Variants in TTL observed in about 807,000 individuals in gnomAD.
TTL encodes the protein tubulin--tyrosine ligase.
Under a neutral mutation model 41.1 loss-of-function variants are expected in TTL, and 10 were observed. The ratio of observed to expected loss-of-function variants is 0.24; its 90% CI spans 0.15 to 0.41. The LOEUF is 0.41. TTL is among the 10% of genes least tolerant of loss of function. The probability of loss-of-function intolerance (pLI) is 1.00; values close to 1 mark genes in which losing one functional copy is unlikely to be tolerated. For synonymous variants in TTL, 175 were observed against 175.5 expected (o/e 1.00, Z 0.02); for missense variants, 367 against 460.4 (o/e 0.80, Z 1.86).
chr2:112,523,818 A>T (rs919277387), intron 6 of TTL, among the ~76,000 whole-genome samples: 6 of 151,726 alleles, frequency 4.0e-5, no homozygotes, highest in African/African-American at 1.2e-4. Flanking sequence ...ATTATACTTT[A>T]AGTTCTAGGG....
chr2:112,493,355 T>TA (rs75154140), intron 2 of TTL, among the ~76,000 whole-genome samples: 26,398 of 142,996 alleles, frequency 0.18, 2,414 homozygotes, highest in East Asian at 0.3. Flanking sequence ...CTTGAGCTGT[T>TA]AAAAAAAAAA....
intron 4 of TTL, among the ~76,000 whole-genome samples, chr2:112,501,936 T>C (rs1681712378): frequency 6.6e-6 from 1 of 152,100 alleles, no homozygotes; most frequent in African/African-American, 2.4e-5. Flanking sequence ...TATAAATGTA[T>C]GGTCTTGCTC....
rs1401351195 is a variant in TTL, at chr2:112,494,270, A to G, written c.364A>G (p.Asn122Asp). Residue 122 changes from asparagine (N) to aspartate (D), a missense_variant, in exon 3 of 7, where the codon AAC becomes GAC. Asn to Asp is a conservative substitution (Grantham distance 23). Transcript: ENST00000233336. ...GAATGGAATTCAGCCACCAATCAGTAACTCAAGGACAGATGAAAGAGAATT... is the reference window on the plus strand; with the variant it reads ...GAATGGAATTCAGCCACCAATCAGTGACTCAAGGACAGATGAAAGAGAATT... ...AQNGIQPPIS[N>D]SRTDEREFFL... 1 of 1,614,090 alleles carries G rather than the reference A, an allele frequency of 6.2e-7. No individual in the cohort carries two copies.
chr2:112,494,704 C>T lies in TTL; in HGVS notation c.469+329C>T, dbSNP rs930243885. Among the ~76,000 whole-genome samples the T allele has an allele frequency of 2.0e-5, 3 of 152,120 alleles. No homozygotes were observed. In the South Asian group the frequency reaches 6.2e-4, roughly 32 times the overall value. ...ACGCTTTCCACTTAGTATATGATCC[C>T]ACTATTCACTCAGTCTCTGAAGCTT... On this transcript the variant is annotated intron_variant, in intron 3 of 6. Transcript: ENST00000233336.
Position 112,536,104 on chromosome 2 carries a change from A to G in TTL, c.*7309A>G, listed in dbSNP as rs1461607280. 6.6e-6 allele frequency: 1 copy of G among 152,238 alleles called. No homozygotes were observed. The highest frequency in any genetic ancestry group is 1.5e-5 in the Non-Finnish European group (1 of 68,048). 9.4% of individuals were successfully genotyped at this position (152,238 alleles called of 1,614,324 possible). ...AGGATCTCACTCTTTATGGCTGAAC[A>G]GTACTCCATTGTGTATAAGCAATAT... On this transcript the variant is annotated 3_prime_UTR_variant, in exon 7 of 7. Coordinates refer to ENST00000233336, the MANE Select transcript of TTL (RefSeq NM_153712.5).
chr2:112,527,978 TC>T (rs1444569336), intron 6 of TTL, among the ~76,000 whole-genome samples: 1 of 152,216 alleles, frequency 6.6e-6, no homozygotes, highest in Non-Finnish European at 1.5e-5. Context: ...GTTTAGTGCT[TC>T]CTTCAGGAGC....
At position 112,494,302 on chromosome 2, in the gene TTL, C is replaced by T. The variant is rs754448506; in HGVS notation, c.396C>T (p.Leu132=). The T allele has an allele frequency of 2.3e-5, 37 of 1,613,998 alleles. No homozygotes were observed. Among genetic ancestry groups the T allele is most frequent in the Middle Eastern group, 1.6e-4 (1 of 6,084 alleles). Residue 132 remains leucine (L), a synonymous_variant, in exon 3 of 7, where the codon CTC becomes CTT. Coordinates refer to ENST00000233336, the MANE Select transcript of TTL (RefSeq NM_153712.5). ...NSRTDEREFF[L]ASYNRKKEDG... ...GGACAGATGAAAGAGAATTCTTTCT[C>T]GCCTCTTATAACAGAAAGAAAGAGG...
rs1340197083 is a variant in TTL at position 112,494,366 on chromosome 2, G to A, written c.460G>A (p.Gly154Ser). ...CGTTTGGATTGCAAAGTCATCAGCC[G>A]GTGCCAAAGGTGAGTTGGCACTGCT... ...GNVWIAKSSAGAKGEGILISS... is the reference protein window; with the variant it reads ...GNVWIAKSSASAKGEGILISS... The change falls in exon 3 of 7, where the codon GGT (glycine) becomes AGT (serine). Residue 154 changes from glycine (G) to serine (S), a missense_variant. Physicochemically the swap from Gly to Ser is moderately conservative, Grantham distance 56. Coordinates refer to ENST00000233336, the MANE Select transcript of TTL (RefSeq NM_153712.5). 5 of 1,613,048 alleles carry A rather than the reference G, an allele frequency of 3.1e-6. No individual in the cohort carries two copies. Among genetic ancestry groups the A allele is most frequent in the Admixed American group, 1.7e-5 (1 of 59,942 alleles).
chr2:112,520,196 C>T (rs890921582), intron 5 of TTL, 86 bp from the exon 6 acceptor site: 1 of 1,374,906 alleles, frequency 7.3e-7, no homozygotes, highest in African/African-American at 1.4e-5. Flanking sequence ...GTATTCATCT[C>T]ATATAAAATC....
chr2:112,510,297 T>C (rs1681889297), intron 5 of TTL, among the ~76,000 whole-genome samples: 1 of 152,034 alleles, frequency 6.6e-6, no homozygotes, highest in Non-Finnish European at 1.5e-5. Context: ...GCCTGGCTAA[T>C]TTTTTTATTT....
chr2:112,485,964 G>C lies in TTL; in HGVS notation c.205G>C (p.Asp69His). The C allele has an allele frequency of 1.2e-6, 2 of 1,614,162 alleles. No individual in the cohort carries two copies. Among genetic ancestry groups the C allele is most frequent in the Non-Finnish European group, 1.7e-6 (2 of 1,180,036 alleles). The change falls in exon 2 of 7, where the codon GAC becomes CAC. Residue 69 changes from aspartate to histidine, a missense_variant. By Grantham distance (81) the Asp-to-His change is moderately conservative. Transcript: ENST00000233336. ...GTTGGTGAATTACTACAGGGGTGCT[G>C]ACAAACTGTGTCGCAAAGCTTCTTT... ...VQLVNYYRGA[D>H]KLCRKASLVK...
At chr2:112,520,216 C>T in intron 5 of TTL, 66 bp from the exon 6 acceptor site, 3 of 1,570,284 alleles carry the variant, frequency 1.9e-6, no homozygotes, top group Non-Finnish European at 2.6e-6. Flanking sequence ...CTTTCAAGCA[C>T]ACCTCATGTC....
At chr2:112,519,985 C>T (rs1031342220) in intron 5 of TTL, among the ~76,000 whole-genome samples, 1 of 151,948 alleles carries the variant, frequency 6.6e-6, no homozygotes, top group African/African-American at 2.4e-5. Flanking sequence ...ACAAAATTAG[C>T]TGGGTGCGGT....
In TTL at chr2:112,535,553, G is replaced by A. The variant is rs1208572969; in HGVS notation, c.*6758G>A. ...TTAAATATATAGTAAAAAATGACAA[G>A]GAAACAGAAATGTTACACTAGAAAA... is the stretch of plus-strand genomic sequence containing the variant. On this transcript the variant is annotated 3_prime_UTR_variant, in exon 7 of 7. Coordinates refer to ENST00000233336, the MANE Select transcript of TTL (RefSeq NM_153712.5). 3 of 149,680 alleles carry A rather than the reference G, an allele frequency of 2.0e-5. No individual in the cohort carries two copies. Among genetic ancestry groups the A allele is most frequent in the Non-Finnish European group, 4.4e-5 (3 of 67,790 alleles). The allele number at this position is 149,680 out of a possible 1,614,324, so 9.3% of individuals were successfully genotyped here. A position where few individuals can be genotyped will look rare whatever the true frequency, so the allele number is the denominator to read the frequency against.
chr2:112,520,953 T>C (rs1682209533), intron 6 of TTL, among the ~76,000 whole-genome samples: 1 of 151,886 alleles, frequency 6.6e-6, no homozygotes, highest in African/African-American at 2.4e-5. Context: ...TGTGCTCAGG[T>C]GGGTGGGAGA....
chr2:112,503,375 ATGTG>A (rs1185528261), intron 5 of TTL, among the ~76,000 whole-genome samples, 194 bp downstream of exon 5: 1 of 145,740 alleles, frequency 6.9e-6, no homozygotes, highest in Non-Finnish European at 1.5e-5. Context: ...TAATGGTTAT[ATGTG>A]TGTGTGTATG....
At position 112,528,873 on chromosome 2, in the gene TTL, T is replaced by C; in HGVS notation, c.*78T>C. The C allele has an allele frequency of 8.5e-7, 1 of 1,180,828 alleles. No individual in the cohort carries two copies. Among genetic ancestry groups the C allele is most frequent in the Non-Finnish European group, 1.3e-6 (1 of 788,082 alleles). 73.1% of individuals were successfully genotyped at this position (1,180,828 alleles called of 1,614,324 possible). On this transcript the variant is annotated 3_prime_UTR_variant, in exon 7 of 7. Coordinates refer to ENST00000233336, the MANE Select transcript of TTL (RefSeq NM_153712.5). ...ATGGTGAAATGACTGGATTGCTCTT[T>C]ATCCAGCCCACAGCAGGGGAAAGAA...
intron 2 of TTL, among the ~76,000 whole-genome samples, chr2:112,488,650 C>T (rs903253490): frequency 2.0e-5 from 3 of 151,468 alleles, no homozygotes; most frequent in East Asian, 1.9e-4. Context: ...CCCAGCTGCT[C>T]GGGAGGCTGA....
chr2:112,490,178 G>A (rs62157494), intron 2 of TTL, among the ~76,000 whole-genome samples: 25,236 of 152,094 alleles, frequency 0.17, 2,368 homozygotes, highest in East Asian at 0.3. Context: ...CACTTTCAGA[G>A]GCCAAGGCAG....
Sources: gnomAD v4.1 joint callset for allele counts (sites outside exome capture counted in the v4.1 genomes callset) on GRCh38, gnomAD v4.1.1 for gene constraint, MANE v1.5 for transcripts, NCBI Gene and HGNC (gene_info 2026-07-23, HGNC 2026-07-21) for gene names.